Variants in NDEL1 observed in about 807,000 individuals in gnomAD.
NDEL1 encodes nudE neurodevelopment protein 1 like 1, also known as nuclear distribution protein nudE-like 1.
NDEL1 carries 9 observed loss-of-function variants against 45.7 expected under a neutral mutation model. That is an observed-to-expected ratio of 0.20 (90% CI 0.12 to 0.34). NDEL1 has a LOEUF of 0.34. NDEL1 is among the 10% of genes least tolerant of loss of function. NDEL1 has a pLI of 1.00. For missense variants in NDEL1, 306 were observed against 406.2 expected (o/e 0.75, Z 2.12); for synonymous variants, 133 against 158.6 (o/e 0.84, Z 1.21).
intron 1 of NDEL1, among the ~76,000 whole-genome samples, chr17:8,427,938 C>T (rs1336057987): frequency 6.6e-6 from 1 of 152,158 alleles, no homozygotes; most frequent in Admixed American, 6.6e-5. Context: ...AATTTCACAT[C>T]TTGGTTACAT....
At position 8,415,496 on chromosome 17, in the gene NDEL1, G is replaced by A. The variant is rs143440136; in HGVS notation, c.-13+2227G>A. 2.9e-3 allele frequency among the ~76,000 whole-genome samples: 436 copies of A among 151,574 alleles called. 1 individual carries two copies. The highest frequency in any genetic ancestry group is 8.1e-3 in the African/African-American group (333 of 41,066). On this transcript the variant is annotated intron_variant, in intron 1 of 4. Coordinates refer to the NDEL1 transcript ENST00000582812. ...GTTGCCCAGGCTGGAGTGCAGTGGCGCAATCACAGCTCACTGCAGCCTCGA... is the reference window on the plus strand; with the variant it reads ...GTTGCCCAGGCTGGAGTGCAGTGGCACAATCACAGCTCACTGCAGCCTCGA...
upstream of NDEL1, among the ~76,000 whole-genome samples, chr17:8,434,656 C>G (rs896387107): frequency 6.6e-6 from 1 of 152,204 alleles, no homozygotes; most frequent in African/African-American, 2.4e-5. Flanking sequence ...GCCTATCCCT[C>G]TTTCCCTCCT....
intron 6 of NDEL1, among the ~76,000 whole-genome samples, chr17:8,453,436 G>A (rs1356623720): frequency 1.3e-5 from 2 of 152,218 alleles, no homozygotes; most frequent in Non-Finnish European, 2.9e-5. Context: ...ACATCTTTAT[G>A]ATGAGGTAGT....
At chr17:8,432,110 C>T (rs1597516563), upstream of NDEL1, 1 of 151,388 alleles carries the variant, frequency 6.6e-6, no homozygotes, top group South Asian at 2.1e-4. Flanking sequence ...GATCTACCCG[C>T]CCCAGGTCTC....
At chr17:8,452,689 CTTTCTTTCTT>C (rs934918390) in intron 6 of NDEL1, among the ~76,000 whole-genome samples, 10 of 143,056 alleles carry the variant, frequency 7.0e-5, no homozygotes, top group South Asian at 4.4e-4. Flanking sequence ...CTTTCTTTCT[CTTTCTTTCTT>C]TTTCTTTCTT....
intron 6 of NDEL1, 108 bp downstream of exon 6, chr17:8,451,061 TTGG>T (rs202051333): frequency 0.017 from 18,545 of 1,117,918 alleles, 195 homozygotes; most frequent in Non-Finnish European, 0.02. Flanking sequence ...AGTTTAAAAG[TTGG>T]TGAAGTCTAG....
intron 1 of NDEL1, 115 bp from the exon 2 acceptor site, chr17:8,444,145 C>G (rs1909933450): frequency 1.5e-6 from 1 of 649,126 alleles, no homozygotes; most frequent in Non-Finnish European, 2.7e-6. Flanking sequence ...CCACTGGAAT[C>G]TCTCATGTTT....
chr17:8,438,250 C>T (rs886428930), intron 1 of NDEL1, among the ~76,000 whole-genome samples: 2 of 152,324 alleles, frequency 1.3e-5, no homozygotes, highest in South Asian at 4.1e-4. Flanking sequence ...AGCCACCGTG[C>T]CCTGCCAATA....
chr17:8,418,170 T>C (rs74687424), intron 1 of NDEL1, among the ~76,000 whole-genome samples: 1,770 of 152,304 alleles, frequency 0.012, 41 homozygotes, highest in African/African-American at 0.041. Context: ...TGACATCCCT[T>C]GTCCACTGTT....
chr17:8,428,860 A>G (rs1169763384), intron 1 of NDEL1, among the ~76,000 whole-genome samples: 2 of 151,266 alleles, frequency 1.3e-5, no homozygotes, highest in African/African-American at 4.9e-5. Flanking sequence ...TTTTTAGTAG[A>G]GACGGGGTTT....
intron 1 of NDEL1, among the ~76,000 whole-genome samples, chr17:8,415,191 T>C (rs1908517102): frequency 6.6e-6 from 1 of 151,228 alleles, no homozygotes; most frequent in Non-Finnish European, 1.5e-5. Flanking sequence ...TCTTTCTTTC[T>C]TTTTTGAGAT....
At chr17:8,472,736 A>G (rs1567749617), downstream of NDEL1, among the ~76,000 whole-genome samples, 1 of 151,958 alleles carries the variant, frequency 6.6e-6, no homozygotes, top group Non-Finnish European at 1.5e-5. Context: ...ATTAAAGAAA[A>G]TAAATAAAAA....
intron 1 of NDEL1, among the ~76,000 whole-genome samples, chr17:8,418,431 A>C (rs1192543883): frequency 1.3e-5 from 2 of 152,208 alleles, no homozygotes; most frequent in Non-Finnish European, 2.9e-5. Context: ...AAAAGCAAGG[A>C]GATATCTCAG....
intron 1 of NDEL1, among the ~76,000 whole-genome samples, chr17:8,418,822 T>C (rs1228665778): frequency 8.2e-6 from 1 of 122,244 alleles, no homozygotes; most frequent in Non-Finnish European, 1.8e-5. Flanking sequence ...TCTTTCTTCC[T>C]CTCTCTCTCT....
At chr17:8,425,254 T>C (rs183699601) in intron 1 of NDEL1, among the ~76,000 whole-genome samples, 2 of 152,384 alleles carry the variant, frequency 1.3e-5, no homozygotes, top group East Asian at 3.9e-4. Flanking sequence ...TGCTTGTTTC[T>C]AAAGGGAAGT....
At chr17:8,470,452 C>T (rs1045209765), downstream of NDEL1, among the ~76,000 whole-genome samples, 15 of 152,146 alleles carry the variant, frequency 9.9e-5, no homozygotes, top group African/African-American at 2.7e-4. This position sits in a 1 kb window ranked among gnomAD's most constrained non-coding sequence, Gnocchi z 4.2. Flanking sequence ...TAGTAGCCAG[C>T]GCTCCACTTC....
chr17:8,453,716 C>G (rs184573102), intron 6 of NDEL1, among the ~76,000 whole-genome samples: 1 of 152,066 alleles, frequency 6.6e-6, no homozygotes, highest in East Asian at 1.9e-4. Flanking sequence ...AATAAAAATC[C>G]TAATAGGATT....
At chr17:8,448,498 C>G (rs1041587564) in intron 4 of NDEL1, 52 bp from the exon 5 acceptor site, 1 of 1,563,464 alleles carries the variant, frequency 6.4e-7, no homozygotes, top group African/African-American at 1.4e-5. Flanking sequence ...TTTGTACTAT[C>G]TGTTTGCACA....
At chr17:8,424,946 C>A (rs939330601) in intron 1 of NDEL1, among the ~76,000 whole-genome samples, 2 of 152,112 alleles carry the variant, frequency 1.3e-5, no homozygotes, top group Non-Finnish European at 2.9e-5. Context: ...GGATTATAGG[C>A]GTGAACCCCC....
Sources: allele counts gnomAD v4.1 joint callset (sites outside exome capture counted in the v4.1 genomes callset), GRCh38; gene constraint gnomAD v4.1.1; non-coding constraint Gnocchi (gnomAD v3.1); transcripts MANE v1.5; gene names NCBI Gene and HGNC (gene_info 2026-07-23, HGNC 2026-07-21).